The following CDH13 variants were observed in gnomAD, a reference collection of about 807,000 sequenced individuals.
CDH13 encodes cadherin 13.
A neutral mutation model predicts 63.8 loss-of-function variants in CDH13; 24 were observed. That is an observed-to-expected ratio of 0.38 (90% CI 0.27 to 0.53). The LOEUF (loss-of-function observed/expected upper bound fraction) is 0.53, where lower values mean the gene tolerates loss of function less well. CDH13 is among the 20% of genes least tolerant of loss of function. The pLI is 0.85. For synonymous variants in CDH13, 503 were observed against 355.3 expected (o/e 1.42, Z -4.67); for missense variants, 1,049 against 903.1 (o/e 1.16, Z -2.07).
chr16:82,879,868 A>G (rs941432266), intron 2 of CDH13, among the ~76,000 whole-genome samples: 1 of 143,324 alleles, frequency 7.0e-6, no homozygotes, highest in African/African-American at 2.5e-5. Flanking sequence ...TAATAGATTT[A>G]TCTAAATATA....
rs140828245 is a variant in CDH13, at chr16:82,804,276, T to TACACACAC, written c.46-54057_46-54050dup. Among the ~76,000 whole-genome samples, 1,166 of 135,090 alleles carry TACACACAC rather than the reference T, an allele frequency of 8.6e-3. 11 individuals are homozygous for TACACACAC. The highest frequency in any genetic ancestry group is 0.033 in the African/African-American group (1,099 of 33,480). The allele number at this position is 135,090 out of a possible 152,430, so 88.6% of individuals were successfully genotyped here. A position where few individuals can be genotyped will look rare whatever the true frequency, so the allele number is the denominator to read the frequency against. Reference sequence around the variant, plus strand: ...TAGATCTCAGGTTAGGGGATCTTGCTACACACACACACACACACACACACA... The same window carrying TACACACAC: ...TAGATCTCAGGTTAGGGGATCTTGCTACACACACACACACACACACACACACACACACA... On this transcript the variant is annotated intron_variant, in intron 1 of 13. Coordinates refer to ENST00000567109, the MANE Select transcript of CDH13 (RefSeq NM_001257.5).
rs78784716 is a variant in CDH13 at position 83,692,125 on chromosome 16, T to C, written c.1538+13664T>C. On this transcript the variant is annotated intron_variant, in intron 10 of 13. Transcript: ENST00000567109. Reference sequence around the variant, plus strand: ...AAACTGAAGCCAGAGAAGCGTGCCCTGTGTGTGCAATTACCAGACCCAATA... The same window carrying C: ...AAACTGAAGCCAGAGAAGCGTGCCCCGTGTGTGCAATTACCAGACCCAATA... 5.0e-3 allele frequency among the ~76,000 whole-genome samples: 760 copies of C among 152,340 alleles called. 11 individuals are homozygous for C. Among genetic ancestry groups the C allele is most frequent in the African/African-American group, 0.018 (734 of 41,568 alleles).
intron 6 of CDH13, among the ~76,000 whole-genome samples, chr16:83,474,290 A>G (rs1445182023): frequency 2.0e-5 from 3 of 152,132 alleles, no homozygotes; most frequent in Admixed American, 6.5e-5. Context: ...GTGTCAGCCC[A>G]TTTTACAGAT....
intron 4 of CDH13, among the ~76,000 whole-genome samples, chr16:83,141,120 C>T (rs2036511314): frequency 6.6e-6 from 1 of 152,196 alleles, no homozygotes; most frequent in Non-Finnish European, 1.5e-5. Context: ...ACACTTATAT[C>T]TTCTCCCTCT....
At chr16:82,760,489 C>T (rs1452196939) in intron 1 of CDH13, among the ~76,000 whole-genome samples, 1 of 152,046 alleles carries the variant, frequency 6.6e-6, no homozygotes, top group Admixed American at 6.6e-5. Flanking sequence ...GGCATTACAA[C>T]ACCTTACTTT....
At chr16:83,786,307 G>T (rs184075644) in intron 13 of CDH13, among the ~76,000 whole-genome samples, 3 of 152,158 alleles carry the variant, frequency 2.0e-5, no homozygotes, top group Non-Finnish European at 2.9e-5. Context: ...TAAGAGCAAC[G>T]TGTTAATTGC....
intron 4 of CDH13, among the ~76,000 whole-genome samples, chr16:83,173,100 A>G (rs2037991613): frequency 6.6e-6 from 1 of 152,148 alleles, no homozygotes; most frequent in Non-Finnish European, 1.5e-5. Flanking sequence ...ACCCTGTGCC[A>G]GGCTTATATG....
intron 4 of CDH13, among the ~76,000 whole-genome samples, chr16:83,201,545 A>G (rs2039028987): frequency 6.6e-6 from 1 of 152,118 alleles, no homozygotes; most frequent in Non-Finnish European, 1.5e-5. Flanking sequence ...CCACTGGGAA[A>G]GGGGGCTGGG....
At chr16:83,485,147 A>C (rs1176170563) in intron 6 of CDH13, among the ~76,000 whole-genome samples, 1 of 152,210 alleles carries the variant, frequency 6.6e-6, no homozygotes, top group African/African-American at 2.4e-5. Flanking sequence ...CATTTTGGCA[A>C]TTCCCCTGTT....
intron 4 of CDH13, among the ~76,000 whole-genome samples, chr16:83,193,640 G>T (rs1278602623): frequency 6.6e-6 from 1 of 152,194 alleles, no homozygotes; most frequent in Non-Finnish European, 1.5e-5. Context: ...GAGCTTGAGA[G>T]CTCCTGTCTT....
chr16:83,205,485 G>A (rs11150548), intron 4 of CDH13, among the ~76,000 whole-genome samples: 151,679 of 152,284 alleles, frequency 1, 75,541 homozygotes, highest in Non-Finnish European at 1. Context: ...TTGAGCAGTG[G>A]TCCCTTGAAG....
intron 6 of CDH13, among the ~76,000 whole-genome samples, chr16:83,348,737 C>T (rs373783693): frequency 6.6e-6 from 1 of 152,154 alleles, no homozygotes; most frequent in African/African-American, 2.4e-5. Flanking sequence ...CCTTCTAGGA[C>T]CCTCTGCAAA....
At chr16:82,904,475 C>T (rs1275896299) in intron 2 of CDH13, among the ~76,000 whole-genome samples, 2 of 152,194 alleles carry the variant, frequency 1.3e-5, no homozygotes, top group African/African-American at 4.8e-5. Context: ...TCTTCTCACC[C>T]TTTGTGGCAA....
At chr16:83,185,032 C>A (rs146786675) in intron 4 of CDH13, among the ~76,000 whole-genome samples, 19 of 151,686 alleles carry the variant, frequency 1.3e-4, no homozygotes, top group Non-Finnish European at 2.1e-4. Context: ...TTCTGATATA[C>A]CTATCTATAT....
At chr16:83,434,896 A>G (rs2072243002) in intron 6 of CDH13, among the ~76,000 whole-genome samples, 1 of 141,878 alleles carries the variant, frequency 7.0e-6, no homozygotes, top group South Asian at 2.2e-4. Flanking sequence ...TGTATTTAAA[A>G]TAAACCCCTA....
At chr16:82,688,245 G>T (rs991373763) in intron 1 of CDH13, among the ~76,000 whole-genome samples, 2 of 152,156 alleles carry the variant, frequency 1.3e-5, no homozygotes, top group Non-Finnish European at 2.9e-5. Context: ...TGTCTCGAAT[G>T]CCCTGCTGGG....
At chr16:83,560,005 A>C (rs966093765) in intron 7 of CDH13, among the ~76,000 whole-genome samples, 1 of 152,200 alleles carries the variant, frequency 6.6e-6, no homozygotes, top group Admixed American at 6.5e-5. Context: ...TACTGACAGT[A>C]GCAGATTTGG....
intron 1 of CDH13, among the ~76,000 whole-genome samples, chr16:82,726,353 AGG>A (rs2033093834): frequency 1.3e-5 from 2 of 152,240 alleles, no homozygotes; most frequent in Non-Finnish European, 2.9e-5. Flanking sequence ...CATATAAGTG[AGG>A]ATGTGACTGT....
intron 7 of CDH13, among the ~76,000 whole-genome samples, chr16:83,500,603 C>T (rs1598164634): frequency 8.8e-6 from 1 of 113,006 alleles, no homozygotes; most frequent in East Asian, 2.5e-4. Context: ...GATGGCGTCT[C>T]ACTCTGTCAC....
Sources: allele counts gnomAD v4.1 joint callset (sites outside exome capture counted in the v4.1 genomes callset), GRCh38; gene constraint gnomAD v4.1.1; transcripts MANE v1.5; gene names NCBI Gene and HGNC (gene_info 2026-07-23, HGNC 2026-07-21).